Variants in PCDHGA1 observed in about 807,000 individuals in gnomAD.
PCDHGA1 encodes the protein protocadherin gamma subfamily A, 1.
In PCDHGA1, 32 loss-of-function variants were observed where a neutral mutation model predicts 58.0. That is an observed-to-expected ratio of 0.55 (90% CI 0.42 to 0.74). PCDHGA1 has a LOEUF of 0.74. Ranked by LOEUF, PCDHGA1 falls within the 30% of genes least tolerant of loss-of-function variation. The pLI is 0.00. For synonymous variants in PCDHGA1, 498 were observed against 501.1 expected, an observed-to-expected ratio of 0.99 and a Z score of 0.08; for missense variants, 1,205 against 1,182.3, an observed-to-expected ratio of 1.02 and a Z score of -0.28.
intron 1 of PCDHGA1, chr5:141,360,593 C>T (rs1007653206): frequency 6.2e-7 from 1 of 1,613,930 alleles, no homozygotes; most frequent in Non-Finnish European, 8.5e-7. Context: ...ACAACATTTC[C>T]ACTTGACCCA....
intron 1 of PCDHGA1, chr5:141,352,794 A>G (rs1759109837): frequency 1.0e-6 from 1 of 956,230 alleles, no homozygotes; most frequent in Non-Finnish European, 1.5e-6. Flanking sequence ...GTTTGAGACC[A>G]GCATAGCCAA....
chr5:141,422,487 T>C lies in PCDHGA1; in HGVS notation c.2422-72320T>C, dbSNP rs1295400741. 5.0e-6 allele frequency: 8 copies of C among 1,613,938 alleles called. No individual in the cohort carries two copies. The East Asian group carries it at 1.8e-4, about 36-fold the overall frequency. ...ACAGGGAGTTGGTCCAGAGCTACAA[T>C]ATAACGTTGACAGCCACAGACCAGG... On this transcript the variant is annotated intron_variant, in intron 1 of 3. Coordinates refer to ENST00000517417, the MANE Select transcript of PCDHGA1 (RefSeq NM_018912.3).
chr5:141,370,845 A>T, intron 1 of PCDHGA1: 1 of 1,614,066 alleles, frequency 6.2e-7, no homozygotes, highest in South Asian at 1.1e-5. Flanking sequence ...CACTGGAGCC[A>T]CATTTGCCCT....
At chr5:141,446,891 C>A (rs1457416718) in intron 1 of PCDHGA1, among the ~76,000 whole-genome samples, 1 of 152,152 alleles carries the variant, frequency 6.6e-6, no homozygotes, top group Non-Finnish European at 1.5e-5. Context: ...GGGTTCATGG[C>A]TGAGCTACTT....
intron 1 of PCDHGA1, chr5:141,400,515 T>A: frequency 6.2e-7 from 1 of 1,613,988 alleles, no homozygotes. Flanking sequence ...CGACTTCCCA[T>A]CCTGAGTTGG....
chr5:141,333,998 C>A (rs1030580907), intron 1 of PCDHGA1: 1 of 152,046 alleles, frequency 6.6e-6, no homozygotes, highest in Admixed American at 6.5e-5. Flanking sequence ...AAGTATATAT[C>A]CTATTTTAAT....
At chr5:141,449,538 G>A (rs1445815017) in intron 1 of PCDHGA1, among the ~76,000 whole-genome samples, 15 of 145,960 alleles carry the variant, frequency 1.0e-4, no homozygotes, top group East Asian at 4.0e-4. Flanking sequence ...GCAGTGAGCC[G>A]AGATCGCACC....
At chr5:141,362,447 C>A (rs769703158) in intron 1 of PCDHGA1, 2 of 1,614,048 alleles carry the variant, frequency 1.2e-6, no homozygotes, top group East Asian at 2.2e-5. Context: ...CTGAACATAA[C>A]CCCGGAATTG....
rs918375556 is a variant in PCDHGA1, at chr5:141,489,318, G to C, written c.2422-5489G>C. 6.3e-7 allele frequency: 1 copy of C among 1,598,974 alleles called. No individual in the cohort carries two copies. Among genetic ancestry groups the C allele is most frequent in the African/African-American group, 1.3e-5 (1 of 74,510 alleles). On this transcript the variant is annotated intron_variant, in intron 1 of 3. Coordinates refer to ENST00000517417, the MANE Select transcript of PCDHGA1 (RefSeq NM_018912.3). The surrounding 1 kb of genome is among the most constrained non-coding windows in gnomAD (Gnocchi z 4.5). ...TGTTGTCCTTGTGCTGCTGGGGCTG[G>C]GTGTCTGGGCAGCTTCGTTACTCAG...
chr5:141,385,709 A>C, intron 1 of PCDHGA1: 1 of 259,262 alleles, frequency 3.9e-6, no homozygotes, highest in Non-Finnish European at 6.2e-6. Context: ...TAGCATTCAA[A>C]TATGTAAAAG....
chr5:141,366,085 C>T, intron 1 of PCDHGA1: 1 of 1,614,268 alleles, frequency 6.2e-7, no homozygotes, highest in Non-Finnish European at 8.5e-7. Flanking sequence ...CAGAACCTGG[C>T]TACCTGGTGA....
rs770623588 is a variant in PCDHGA1, at chr5:141,410,424, C to A, written c.2421+77319C>A. ...GTCAAGTCTGGACCTGTAGTTCCCC[C>A]CAACTACAGTGAGGGGACTTTGCCT... is the stretch of plus-strand genomic sequence containing the variant. On this transcript the variant is annotated intron_variant, in intron 1 of 3. Transcript: ENST00000517417. The A allele has an allele frequency of 1.1e-5, 17 of 1,613,852 alleles. No homozygotes were observed. In the East Asian group the frequency reaches 3.6e-4, roughly 34 times the overall value.
At chr5:141,404,410 A>G (rs1343740045) in intron 1 of PCDHGA1, 2 of 1,613,728 alleles carry the variant, frequency 1.2e-6, no homozygotes, top group Non-Finnish European at 1.7e-6. Context: ...AGAATTCTAG[A>G]GTTATTTACT....
intron 1 of PCDHGA1, chr5:141,409,039 C>G: frequency 1.9e-6 from 3 of 1,614,004 alleles, no homozygotes; most frequent in Non-Finnish European, 1.7e-6. Flanking sequence ...AGATAAACTA[C>G]TACTTCCGAA....
chr5:141,345,743 C>A (rs745630768), intron 1 of PCDHGA1: 30 of 1,614,114 alleles, frequency 1.9e-5, no homozygotes, highest in Non-Finnish European at 2.2e-5. Flanking sequence ...TCCCCACAGA[C>A]GGTTCCACTG....
intron 1 of PCDHGA1, chr5:141,403,212 CG>C (rs1561686781): frequency 6.2e-7 from 1 of 1,613,952 alleles, no homozygotes; most frequent in African/African-American, 1.3e-5. Context: ...TTGGTCACCG[CG>C]GGTAGGATAG....
chr5:141,422,131 G>T (rs747294750), intron 1 of PCDHGA1: 3 of 1,598,182 alleles, frequency 1.9e-6, no homozygotes, highest in Non-Finnish European at 2.6e-6. Context: ...AACTGGAGAA[G>T]TTCAAGTACG....
At chr5:141,398,061 A>G (rs541058758) in intron 1 of PCDHGA1, 863 of 1,544,254 alleles carry the variant, frequency 5.6e-4, no homozygotes, top group Middle Eastern at 1.5e-3. Flanking sequence ...CCAAAAATCT[A>G]CAATACAGAG....
rs145246231 is a variant in PCDHGA1, at chr5:141,332,703, C to T, written c.2019C>T (p.Ala673=). ...CCGACAGGATCTCCGACATCCTGGC[C>T]GACCTGGGCAGCCTCGAGCCCTCCG... ...AVADRISDIL[A]DLGSLEPSAK... The change falls in exon 1 of 4, where the codon GCC becomes GCT. Residue 673 remains alanine, a synonymous_variant. Coordinates refer to ENST00000517417, the MANE Select transcript of PCDHGA1 (RefSeq NM_018912.3). This position sits in a 1 kb window ranked among gnomAD's most constrained non-coding sequence, Gnocchi z 4.6. 1,047 of 1,613,816 alleles carry T rather than the reference C, an allele frequency of 6.5e-4. 8 individuals carry two copies. In the African/African-American group the frequency reaches 0.012, roughly 18 times the overall value.
Sources: gnomAD v4.1 joint callset for allele counts (sites outside exome capture counted in the v4.1 genomes callset) on GRCh38, gnomAD v4.1.1 for gene constraint, Gnocchi (gnomAD v3.1) non-coding constraint, MANE v1.5 for transcripts, NCBI Gene and HGNC (gene_info 2026-07-23, HGNC 2026-07-21) for gene names.